The following BMERB1 variants were observed in gnomAD, a reference collection of about 807,000 sequenced individuals.
BMERB1 encodes the protein bMERB domain containing 1, also known as bMERB domain-containing protein 1.
Under a neutral mutation model 23.6 loss-of-function variants are expected in BMERB1, and 12 were observed. That is an observed-to-expected ratio of 0.51 (90% CI 0.33 to 0.82). The LOEUF (loss-of-function observed/expected upper bound fraction) is 0.82. Ranked by LOEUF, BMERB1 falls within the 40% of genes least tolerant of loss-of-function variation. The pLI is 0.03. For synonymous variants in BMERB1, 122 were observed against 96.6 expected (o/e 1.26, Z -1.54); for missense variants, 247 against 255.4 (o/e 0.97, Z 0.22).
intron 1 of BMERB1, among the ~76,000 whole-genome samples, chr16:15,446,764 C>T (rs1161693808): frequency 6.6e-6 from 1 of 152,182 alleles, no homozygotes; most frequent in East Asian, 1.9e-4. Context: ...TGTTCTCTGG[C>T]TCATTAATTT....
chr16:15,435,019 C>T (rs1229903980), intron 1 of BMERB1, among the ~76,000 whole-genome samples: 1 of 152,264 alleles, frequency 6.6e-6, no homozygotes, highest in East Asian at 1.9e-4. Context: ...CTGGGCTCGA[C>T]TTAGGAGTCC....
At chr16:15,544,484 T>C (rs1395540399) in intron 2 of BMERB1, among the ~76,000 whole-genome samples, 1 of 152,166 alleles carries the variant, frequency 6.6e-6, no homozygotes, top group Admixed American at 6.5e-5. Flanking sequence ...CTGGTCCCTA[T>C]AGTTGCAGAT....
At chr16:15,580,472 T>G (rs112816419) in intron 3 of BMERB1, among the ~76,000 whole-genome samples, 2 of 152,172 alleles carry the variant, frequency 1.3e-5, no homozygotes, top group African/African-American at 4.8e-5. Flanking sequence ...AGAGGTCAAG[T>G]TGCTTCTCCA....
At chr16:15,511,367 TC>T (rs2051662768) in intron 1 of BMERB1, among the ~76,000 whole-genome samples, 1 of 152,040 alleles carries the variant, frequency 6.6e-6, no homozygotes. Context: ...CAGATAATCT[TC>T]GGGACCCGCC....
At chr16:15,494,411 G>C (rs1039406901) in intron 1 of BMERB1, among the ~76,000 whole-genome samples, 8 of 152,060 alleles carry the variant, frequency 5.3e-5, no homozygotes, top group Admixed American at 3.9e-4. Flanking sequence ...ACTTTGAAGT[G>C]TTGGGGAGAG....
chr16:15,573,497 G>A (rs1052843927), intron 3 of BMERB1, among the ~76,000 whole-genome samples: 24 of 152,046 alleles, frequency 1.6e-4, no homozygotes, highest in Non-Finnish European at 2.9e-4. Context: ...ACAGGGAGCC[G>A]AAGCTGTCCT....
At chr16:15,526,663 CAAAAAAA>C (rs57236824) in intron 2 of BMERB1, among the ~76,000 whole-genome samples, 3 of 50,870 alleles carry the variant, frequency 5.9e-5, no homozygotes, top group South Asian at 6.8e-4. Context: ...GACTGCATCT[CAAAAAAA>C]AAAAAAAAAA....
At chr16:15,481,012 A>T (rs1323156885) in intron 1 of BMERB1, among the ~76,000 whole-genome samples, 1 of 152,204 alleles carries the variant, frequency 6.6e-6, no homozygotes, top group Non-Finnish European at 1.5e-5. Context: ...CTAATAATAA[A>T]AAATTAGAAT....
intron 1 of BMERB1, among the ~76,000 whole-genome samples, chr16:15,439,269 T>C (rs2050916587): frequency 6.6e-6 from 1 of 152,164 alleles, no homozygotes; most frequent in South Asian, 2.1e-4. Flanking sequence ...CCTGGGAAAA[T>C]TGCTCAAGGT....
At chr16:15,538,822 A>G (rs2052052215) in intron 2 of BMERB1, among the ~76,000 whole-genome samples, 1 of 152,128 alleles carries the variant, frequency 6.6e-6, no homozygotes, top group Non-Finnish European at 1.5e-5. Context: ...GCTGCCCGAC[A>G]CAGTTAACCA....
intron 1 of BMERB1, among the ~76,000 whole-genome samples, chr16:15,499,764 G>A (rs2051509747): frequency 6.6e-6 from 1 of 152,150 alleles, no homozygotes; most frequent in Non-Finnish European, 1.5e-5. Context: ...TGGAAGACGA[G>A]CTTTTCTCTT....
intron 1 of BMERB1, among the ~76,000 whole-genome samples, chr16:15,498,216 C>G (rs1598473119): frequency 6.6e-6 from 1 of 151,980 alleles, no homozygotes; most frequent in East Asian, 1.9e-4. Context: ...AAGTCTCATA[C>G]CTGTGCCCTG....
intron 2 of BMERB1, among the ~76,000 whole-genome samples, chr16:15,545,442 G>C (rs967855238): frequency 6.6e-6 from 1 of 152,152 alleles, no homozygotes; most frequent in Non-Finnish European, 1.5e-5. Context: ...GAGAAGACCC[G>C]GTGTGGTTGG....
rs1018065676 is a variant in BMERB1 at position 15,518,999 on chromosome 16, C to G, written c.230+3571C>G. On this transcript the variant is annotated intron_variant, in intron 2 of 5. Transcript: ENST00000300006. ...CCAGCATTTGGAACAATGCCTGGCA[C>G]TGAGTGTCATGAATATTTGTCAAAT... Among the ~76,000 whole-genome samples, 6 of 151,920 alleles carry G rather than the reference C, an allele frequency of 3.9e-5. No homozygotes were observed. In the East Asian group the frequency reaches 9.6e-4, roughly 24 times the overall value.
chr16:15,524,584 A>T (rs1230837554), intron 2 of BMERB1, among the ~76,000 whole-genome samples: 2 of 152,118 alleles, frequency 1.3e-5, no homozygotes. Flanking sequence ...CCTGGCCAAC[A>T]TGGCAAAACC....
At chr16:15,477,608 G>A (rs2051285217) in intron 1 of BMERB1, among the ~76,000 whole-genome samples, 2 of 152,160 alleles carry the variant, frequency 1.3e-5, no homozygotes, top group Non-Finnish European at 2.9e-5. Flanking sequence ...TCCAGCCTAG[G>A]CAACAAAGTG....
At chr16:15,582,185 G>C (rs2031032111) in intron 4 of BMERB1, among the ~76,000 whole-genome samples, 1 of 152,178 alleles carries the variant, frequency 6.6e-6, no homozygotes. Context: ...GATCACCTGA[G>C]GTCAGGAGTT....
chr16:15,434,665 G>A lies in BMERB1; in HGVS notation c.12G>A (p.Lys4=), dbSNP rs572589386. 1.1e-5 allele frequency: 18 copies of A among 1,613,784 alleles called. No individual in the cohort carries two copies. Among genetic ancestry groups the A allele is most frequent in the African/African-American group, 4.0e-5 (3 of 75,038 alleles). ...CACGGGGATCAGCGATGGAATTAAA[G>A]CAATCTTTGTCCACCCATCTGGAAG... MEL[K]QSLSTHLEAE... is the part of the protein sequence containing the mutation. The change falls in exon 1 of 6, where the codon AAG becomes AAA. Residue 4 remains lysine, a synonymous_variant. Transcript: ENST00000300006.
chr16:15,451,707 T>A (rs1212508280), intron 1 of BMERB1, among the ~76,000 whole-genome samples: 1 of 149,502 alleles, frequency 6.7e-6, no homozygotes, highest in Non-Finnish European at 1.5e-5. Flanking sequence ...TACAGGTGGG[T>A]GTCACCACAC....
Sources: gnomAD v4.1 joint callset for allele counts (sites outside exome capture counted in the v4.1 genomes callset) on GRCh38, gnomAD v4.1.1 for gene constraint, MANE v1.5 for transcripts, NCBI Gene and HGNC (gene_info 2026-07-23, HGNC 2026-07-21) for gene names.